Variants in RARB observed in about 807,000 individuals in gnomAD.
RARB encodes the protein retinoic acid receptor beta, also known as HBV-activated protein.
In RARB, 17 loss-of-function variants were observed where a neutral mutation model predicts 51.9. The observed-to-expected ratio is 0.33, with a 90% confidence interval of 0.22 to 0.49. RARB has a LOEUF of 0.49. Ranked by LOEUF, RARB falls within the 20% of genes least tolerant of loss-of-function variation. The pLI is 0.99. For missense variants in RARB, 369 were observed against 550.8 expected, an observed-to-expected ratio of 0.67 and a Z score of 3.30; for synonymous variants, 215 against 195.4, an observed-to-expected ratio of 1.10 and a Z score of -0.84.
chr3:25,064,140 C>T (rs183880757), intron 3 of RARB, among the ~76,000 whole-genome samples: 2 of 152,008 alleles, frequency 1.3e-5, no homozygotes, highest in Non-Finnish European at 2.9e-5. Flanking sequence ...ATAATGATAA[C>T]CAAGATTAAA....
intron 2 of RARB, among the ~76,000 whole-genome samples, chr3:25,029,303 A>T (rs1313518249): frequency 6.6e-6 from 1 of 152,208 alleles, no homozygotes; most frequent in Non-Finnish European, 1.5e-5. Context: ...GTAAAATCAT[A>T]GGTCAGTCGT....
chr3:25,565,023 A>T (rs963759355), intron 3 of RARB, among the ~76,000 whole-genome samples: 1 of 151,894 alleles, frequency 6.6e-6, no homozygotes, highest in Admixed American at 6.6e-5. Flanking sequence ...TACCCTCCCA[A>T]TTCCCCAGCG....
intron 1 of RARB, among the ~76,000 whole-genome samples, chr3:25,432,654 G>A (rs752355613): frequency 1.3e-5 from 2 of 151,784 alleles, no homozygotes; most frequent in African/African-American, 2.4e-5. Context: ...ATTTACCTTC[G>A]ACATATGTTA....
chr3:24,839,024 G>A (rs912259540), intron 1 of RARB, among the ~76,000 whole-genome samples: 32 of 151,680 alleles, frequency 2.1e-4, no homozygotes, highest in African/African-American at 7.3e-4. Flanking sequence ...GTGGGCTGCC[G>A]GTTAGCAATT....
chr3:24,892,879 C>T (rs537385034), intron 2 of RARB, among the ~76,000 whole-genome samples: 1 of 152,298 alleles, frequency 6.6e-6, no homozygotes, highest in South Asian at 2.1e-4. Context: ...GAGTAGTTAA[C>T]CTGCCTGCCA....
At chr3:25,256,447 A>T (rs1702866864) in intron 5 of RARB, among the ~76,000 whole-genome samples, 1 of 152,174 alleles carries the variant, frequency 6.6e-6, no homozygotes, top group Non-Finnish European at 1.5e-5. Flanking sequence ...TAAGGGAAAC[A>T]TATATAAGCA....
At chr3:25,278,269 G>T (rs1365023168) in intron 5 of RARB, among the ~76,000 whole-genome samples, 1 of 152,144 alleles carries the variant, frequency 6.6e-6, no homozygotes, top group East Asian at 1.9e-4. Flanking sequence ...TCACTGTTTT[G>T]TCGTAAAGAT....
At chr3:25,354,522 A>G (rs1705672025) in intron 5 of RARB, among the ~76,000 whole-genome samples, 2 of 152,168 alleles carry the variant, frequency 1.3e-5, no homozygotes, top group Admixed American at 1.3e-4. Flanking sequence ...AAGAACTATC[A>G]TAAGCCATGG....
chr3:25,172,796 C>G (rs1342946235), intron 4 of RARB, among the ~76,000 whole-genome samples: 1 of 152,022 alleles, frequency 6.6e-6, no homozygotes, highest in Non-Finnish European at 1.5e-5. Flanking sequence ...TACTATTTAC[C>G]TAGTGTTTAC....
intron 3 of RARB, among the ~76,000 whole-genome samples, chr3:25,082,464 A>G (rs1308778958): frequency 6.6e-6 from 1 of 152,090 alleles, no homozygotes; most frequent in Admixed American, 6.5e-5. Context: ...TTTAGGTATT[A>G]TAATATACAC....
intron 2 of RARB, among the ~76,000 whole-genome samples, chr3:25,038,155 G>A (rs1245651046): frequency 6.6e-6 from 1 of 152,078 alleles, no homozygotes; most frequent in Non-Finnish European, 1.5e-5. Context: ...GTAAGTGAAG[G>A]CAAGTCATAT....
intron 2 of RARB, among the ~76,000 whole-genome samples, chr3:25,040,569 C>T (rs1698091759): frequency 6.6e-6 from 1 of 152,090 alleles, no homozygotes; most frequent in Non-Finnish European, 1.5e-5. Context: ...CTCATCTCTA[C>T]TAAAAATACA....
chr3:25,464,940 G>T (rs991484766), intron 2 of RARB, among the ~76,000 whole-genome samples: 2 of 151,850 alleles, frequency 1.3e-5, no homozygotes, highest in African/African-American at 2.4e-5. Context: ...AGTAGTTTAC[G>T]GTTATGTCAT....
chr3:25,246,371 G>A (rs1469275080), intron 5 of RARB, among the ~76,000 whole-genome samples: 1 of 152,098 alleles, frequency 6.6e-6, no homozygotes, highest in Non-Finnish European at 1.5e-5. Context: ...TGCTGGCGAG[G>A]AGTTGTGATC....
At chr3:25,394,023 T>C (rs559355820) in intron 5 of RARB, among the ~76,000 whole-genome samples, 26 of 152,258 alleles carry the variant, frequency 1.7e-4, no homozygotes, top group African/African-American at 5.8e-4. Context: ...TTTGTGTTCT[T>C]TTTGATGAAG....
chr3:25,243,714 T>G (rs1702486340), intron 5 of RARB, among the ~76,000 whole-genome samples: 3 of 152,222 alleles, frequency 2.0e-5, no homozygotes, highest in African/African-American at 7.2e-5. Context: ...GGTTTGCCAG[T>G]ATTTTATTGA....
intron 2 of RARB, among the ~76,000 whole-genome samples, chr3:24,937,282 C>T (rs551146352): frequency 6.6e-6 from 1 of 152,084 alleles, no homozygotes; most frequent in African/African-American, 2.4e-5. Flanking sequence ...CAATTTGGTT[C>T]AATGTATGTT....
intron 5 of RARB, among the ~76,000 whole-genome samples, chr3:25,251,607 A>G (rs888877268): frequency 2.0e-5 from 3 of 152,174 alleles, no homozygotes; most frequent in South Asian, 2.1e-4. Flanking sequence ...TTTCCTAATG[A>G]CTAATGATGT....
At chr3:25,524,634 C>T in intron 3 of RARB, among the ~76,000 whole-genome samples, 1 of 144,380 alleles carries the variant, frequency 6.9e-6, no homozygotes, top group Admixed American at 6.9e-5. Flanking sequence ...CCCTGCCTCC[C>T]TCCTTCCTCC....
Sources: allele counts gnomAD v4.1 joint callset (sites outside exome capture counted in the v4.1 genomes callset), GRCh38; gene constraint gnomAD v4.1.1; transcripts MANE v1.5; gene names NCBI Gene and HGNC (gene_info 2026-07-23, HGNC 2026-07-21).